Variants in SYNPR observed in about 807,000 individuals in gnomAD.
SYNPR encodes the protein synaptoporin.
In SYNPR, 23 loss-of-function variants were observed where a neutral mutation model predicts 32.9. The observed-to-expected ratio is 0.70, with a 90% CI of 0.50 to 0.99. The LOEUF (loss-of-function observed/expected upper bound fraction) is 0.99. SYNPR is among the 50% of genes least tolerant of loss of function. The probability of loss-of-function intolerance (pLI) is 0.00; values close to 1 mark genes in which losing one functional copy is unlikely to be tolerated. For synonymous variants in SYNPR, 146 were observed against 135.9 expected (o/e 1.07, Z -0.52); for missense variants, 318 against 349.3 (o/e 0.91, Z 0.71).
chr3:63,375,668 G>C (rs1309367916), intron 2 of SYNPR, among the ~76,000 whole-genome samples: 4 of 151,960 alleles, frequency 2.6e-5, no homozygotes, highest in African/African-American at 9.7e-5. Context: ...ATGTATACCT[G>C]TGTAACAAAC....
intron 4 of SYNPR, among the ~76,000 whole-genome samples, chr3:63,595,785 AGT>A (rs1491439582): frequency 9.9e-4 from 46 of 46,616 alleles, no homozygotes; most frequent in Non-Finnish European, 7.5e-4. Flanking sequence ...ATATATATAT[AGT>A]TATATATATA....
chr3:63,532,388 T>G (rs372640995), intron 3 of SYNPR, among the ~76,000 whole-genome samples: 8 of 152,290 alleles, frequency 5.3e-5, no homozygotes, highest in Admixed American at 1.3e-4. Flanking sequence ...CAATAATAAG[T>G]TTTTTAAGCT....
chr3:63,499,175 T>C (rs1329190905), intron 3 of SYNPR, among the ~76,000 whole-genome samples: 3 of 151,976 alleles, frequency 2.0e-5, no homozygotes, highest in Non-Finnish European at 4.4e-5. Context: ...TAATTTAGGA[T>C]ATATGTAAAG....
intron 3 of SYNPR, among the ~76,000 whole-genome samples, chr3:63,270,160 C>T (rs1346636555): frequency 1.3e-5 from 2 of 152,224 alleles, no homozygotes; most frequent in African/African-American, 4.8e-5. Flanking sequence ...AAAGTACTCT[C>T]GGAACCAAAA....
intron 3 of SYNPR, among the ~76,000 whole-genome samples, chr3:63,489,153 C>A (rs1701209949): frequency 6.6e-6 from 1 of 152,016 alleles, no homozygotes; most frequent in Non-Finnish European, 1.5e-5. Context: ...GGGAAGAAAG[C>A]CAAAAAGAAG....
At chr3:63,305,503 A>G (rs1359464131) in intron 2 of SYNPR, among the ~76,000 whole-genome samples, 2 of 151,892 alleles carry the variant, frequency 1.3e-5, no homozygotes, top group African/African-American at 4.8e-5. Context: ...CATATAAGAG[A>G]TTTTTGTTTT....
At position 63,615,354 on chromosome 3, in the gene SYNPR, A is replaced by C; in HGVS notation, c.731A>C (p.Gln244Pro). Reference sequence around the variant, plus strand: ...GAGAAGCACTCCAGCAGCTATAATCAAGGTGGTTACAACCAAGACAGCTAT... The same window carrying C: ...GAGAAGCACTCCAGCAGCTATAATCCAGGTGGTTACAACCAAGACAGCTAT... The part of the protein sequence containing the change: ...PMEKHSSSYN[Q>P]GGYNQDSYGS... Residue 244 changes from glutamine to proline, a missense_variant, in exon 6 of 6, where the codon CAA becomes CCA. Transcript: ENST00000478300. The C allele has an allele frequency of 6.2e-7, 1 of 1,613,954 alleles. No individual in the cohort carries two copies. The highest frequency in any genetic ancestry group is 1.1e-5 in the South Asian group (1 of 91,066).
chr3:63,253,217 A>T (rs770547487), intron 2 of SYNPR, among the ~76,000 whole-genome samples: 5 of 152,126 alleles, frequency 3.3e-5, no homozygotes, highest in Non-Finnish European at 7.3e-5. Context: ...ATAGCAGCTA[A>T]AGGCCATTTA....
At chr3:63,266,770 T>C (rs2086493785) in intron 2 of SYNPR, among the ~76,000 whole-genome samples, 1 of 151,422 alleles carries the variant, frequency 6.6e-6, no homozygotes, top group Admixed American at 6.6e-5. Context: ...CGCATGTGTC[T>C]CACTTGTCAA....
intron 2 of SYNPR, among the ~76,000 whole-genome samples, chr3:63,285,387 T>C (rs1301190121): frequency 6.6e-6 from 1 of 152,162 alleles, no homozygotes; most frequent in East Asian, 1.9e-4. Flanking sequence ...AAAAAAAGTG[T>C]GCATAAGTCA....
chr3:63,468,808 TACAA>T (rs931645689), intron 2 of SYNPR, among the ~76,000 whole-genome samples: 1 of 151,910 alleles, frequency 6.6e-6, no homozygotes, highest in Non-Finnish European at 1.5e-5. Flanking sequence ...CTCAAAAACA[TACAA>T]ACAAACAAAC....
intron 3 of SYNPR, among the ~76,000 whole-genome samples, chr3:63,528,907 AT>A (rs1302108266): frequency 6.6e-6 from 1 of 152,204 alleles, no homozygotes; most frequent in Non-Finnish European, 1.5e-5. Context: ...CCCTCCAATA[AT>A]TTGAGAAATA....
chr3:63,380,837 T>C (rs1328495453), intron 2 of SYNPR, among the ~76,000 whole-genome samples: 2 of 152,130 alleles, frequency 1.3e-5, no homozygotes, highest in African/African-American at 2.4e-5. Context: ...AAAAGGCCTT[T>C]GACAAAATTC....
chr3:63,222,011 A>ATTTTTTTTTTTTTTTTTT, the SYNPR span, among the ~76,000 whole-genome samples: 164 of 56,392 alleles, frequency 2.9e-3, 29 homozygotes, highest in Non-Finnish European at 4.6e-3. Context: ...GCCATGCTCA[A>ATTTTTTTTTTTTTTTTTT]TTTTTTTTTT....
chr3:63,583,293 C>T (rs763817705), intron 4 of SYNPR, among the ~76,000 whole-genome samples: 17 of 152,058 alleles, frequency 1.1e-4, no homozygotes, highest in Non-Finnish European at 1.0e-4. Flanking sequence ...CTGCTCCAGA[C>T]TTCTTGGCTC....
At chr3:63,431,534 T>G (rs1267065294) in intron 2 of SYNPR, among the ~76,000 whole-genome samples, 1 of 152,024 alleles carries the variant, frequency 6.6e-6, no homozygotes, top group African/African-American at 2.4e-5. Context: ...GAGAAAAAAC[T>G]AAAAAGGATG....
intron 3 of SYNPR, among the ~76,000 whole-genome samples, chr3:63,530,754 T>C (rs1702098070): frequency 6.6e-6 from 1 of 152,102 alleles, no homozygotes; most frequent in South Asian, 2.1e-4. Context: ...CCCTCAGAGA[T>C]ACAAAATGAA....
chr3:63,496,520 C>T (rs897823461), intron 3 of SYNPR, among the ~76,000 whole-genome samples: 1 of 151,984 alleles, frequency 6.6e-6, no homozygotes, highest in Non-Finnish European at 1.5e-5. Context: ...TCAGGTAAGT[C>T]CCTGGGCCAA....
intron 2 of SYNPR, among the ~76,000 whole-genome samples, chr3:63,469,127 T>G (rs541689400): frequency 1.8e-3 from 271 of 152,244 alleles, no homozygotes; most frequent in Non-Finnish European, 3.3e-3. Context: ...CAGAACTGAA[T>G]CCCGATGGGA....
Sources: allele counts gnomAD v4.1 joint callset (sites outside exome capture counted in the v4.1 genomes callset), GRCh38; gene constraint gnomAD v4.1.1; transcripts MANE v1.5; gene names NCBI Gene and HGNC (gene_info 2026-07-23, HGNC 2026-07-21).